WNK1: variants seen among roughly 807,000 people sequenced by gnomAD.
The protein encoded by WNK1 is WNK lysine deficient protein kinase 1.
A neutral mutation model predicts 222.8 loss-of-function variants in WNK1; 38 were observed. The observed-to-expected ratio is 0.17, with a 90% CI of 0.13 to 0.22. The LOEUF (loss-of-function observed/expected upper bound fraction) is 0.22, where lower values mean the gene tolerates loss of function less well. Ranked by LOEUF, WNK1 falls within the 10% of genes least tolerant of loss-of-function variation. The pLI is 1.00. For missense variants in WNK1, 2,348 were observed against 2,918.4 expected (o/e 0.80, Z 4.50); for synonymous variants, 1,090 against 1,092.9 (o/e 1.00, Z 0.05).
intron 4 of WNK1, among the ~76,000 whole-genome samples, chr12:847,113 G>A (rs899611821): frequency 1.3e-5 from 2 of 152,120 alleles, no homozygotes; most frequent in Admixed American, 1.3e-4. Flanking sequence ...AGCATTCCCA[G>A]TGTTTTAGGT....
chr12:905,347 C>T (rs778307396), intron 26 of WNK1, among the ~76,000 whole-genome samples: 14 of 152,248 alleles, frequency 9.2e-5, no homozygotes, highest in Admixed American at 4.6e-4. Context: ...GTATGGTTGA[C>T]TCTTCCTCAT....
intron 1 of WNK1, among the ~76,000 whole-genome samples, chr12:782,041 A>C (rs777281451): frequency 3.3e-5 from 5 of 152,198 alleles, no homozygotes; most frequent in Non-Finnish European, 7.3e-5. Flanking sequence ...ACAATTTTGT[A>C]TACTTGGCTG....
intron 26 of WNK1, among the ~76,000 whole-genome samples, chr12:904,873 C>G (rs1225755505): frequency 6.6e-6 from 1 of 152,206 alleles, no homozygotes; most frequent in East Asian, 1.9e-4. Context: ...CACGTTCACA[C>G]TGAAGTGGGA....
chr12:843,332 A>T (rs980255506), intron 4 of WNK1, among the ~76,000 whole-genome samples: 1 of 152,196 alleles, frequency 6.6e-6, no homozygotes, highest in South Asian at 2.1e-4. Context: ...CTTGTGTTCT[A>T]TCTACTTTAC....
intron 1 of WNK1, among the ~76,000 whole-genome samples, chr12:763,943 A>C (rs1230629822): frequency 1.4e-5 from 2 of 147,208 alleles, no homozygotes; most frequent in African/African-American, 4.9e-5. Flanking sequence ...AGGTATGGAG[A>C]TGTATTCAAT....
chr12:806,139 C>T (rs547833439), intron 1 of WNK1, among the ~76,000 whole-genome samples: 1 of 152,202 alleles, frequency 6.6e-6, no homozygotes, highest in Admixed American at 6.5e-5. Context: ...AGCACACTTA[C>T]AATATGTCGA....
intron 4 of WNK1, among the ~76,000 whole-genome samples, chr12:856,214 G>A (rs932005421): frequency 1.1e-4 from 16 of 151,844 alleles, no homozygotes; most frequent in African/African-American, 2.9e-4. Context: ...TTGGGAGGCC[G>A]AGGAGGGCGG....
chr12:900,791 C>A, intron 26 of WNK1, 121 bp downstream of exon 26: 3 of 1,194,642 alleles, frequency 2.5e-6, no homozygotes, highest in Non-Finnish European at 3.7e-6. Flanking sequence ...GTGTGTTGTA[C>A]ACTGAAGAAT....
At chr12:901,485 C>G in intron 26 of WNK1, 1 of 1,084,932 alleles carries the variant, frequency 9.2e-7, no homozygotes, top group African/African-American at 1.6e-5. Flanking sequence ...ACTCCAGCCT[C>G]AAGTTTCTAA....
chr12:768,229 G>A (rs571909047), intron 1 of WNK1, among the ~76,000 whole-genome samples: 17 of 152,134 alleles, frequency 1.1e-4, no homozygotes, highest in South Asian at 4.1e-4. Flanking sequence ...TCCATCTCCC[G>A]GGTTCAGGCA....
rs1039167656 is a variant in WNK1, at chr12:911,034, A to G, written c.*2242A>G. 1.2e-5 allele frequency: 4 copies of G among 335,828 alleles called. No individual in the cohort carries two copies. The highest frequency in any genetic ancestry group is 2.1e-5 in the African/African-American group (1 of 47,422). 20.8% of individuals were successfully genotyped at this position (335,828 alleles called of 1,614,324 possible). Reference sequence around the variant, plus strand: ...CTCATGCAGCACATTATCATTTGTTATTTGGGTTTAATAATAATTTTGACA... The same window carrying G: ...CTCATGCAGCACATTATCATTTGTTGTTTGGGTTTAATAATAATTTTGACA... On this transcript the variant is annotated 3_prime_UTR_variant, in exon 28 of 28. Transcript: ENST00000315939.
At chr12:762,173 C>CCTCA (rs1941112822) in intron 1 of WNK1, among the ~76,000 whole-genome samples, 1 of 145,482 alleles carries the variant, frequency 6.9e-6, no homozygotes, top group Admixed American at 6.8e-5. Context: ...GATTGTCATG[C>CCTCA]CTCAGCCTCC....
rs1440114683 is a variant in WNK1, at chr12:757,896, C to T, written c.759+3572C>T. Among the ~76,000 whole-genome samples, 5 of 145,530 alleles carry T rather than the reference C, an allele frequency of 3.4e-5. 1 individual carries two copies. Among genetic ancestry groups the T allele is most frequent in the African/African-American group, 4.9e-5 (2 of 40,766 alleles). ...ACTAAAAATACAAAAATTAGCTGGG[C>T]GTGGTCCGCACGCCTGTAATCCCAG... On this transcript the variant is annotated intron_variant, in intron 1 of 27. Transcript: ENST00000315939.
intron 1 of WNK1, among the ~76,000 whole-genome samples, chr12:786,454 G>A (rs994429342): frequency 2.8e-5 from 4 of 143,596 alleles, no homozygotes; most frequent in Admixed American, 1.4e-4. Flanking sequence ...TGTTTTATTT[G>A]TTCCTCTATC....
chr12:779,847 A>G (rs1485468044), intron 1 of WNK1, among the ~76,000 whole-genome samples: 3 of 152,164 alleles, frequency 2.0e-5, no homozygotes, highest in Non-Finnish European at 4.4e-5. Context: ...GGATGCGAAG[A>G]ACTCTGTACT....
intron 2 of WNK1, among the ~76,000 whole-genome samples, chr12:814,381 G>T (rs1220703172): frequency 6.6e-6 from 1 of 151,308 alleles, no homozygotes; most frequent in African/African-American, 2.4e-5. Flanking sequence ...TAGCCCTCTA[G>T]TGGTTAAAAT....
intron 27 of WNK1, 168 bp downstream of exon 27, chr12:908,202 A>T (rs1052340503): frequency 3.2e-6 from 3 of 943,776 alleles, no homozygotes; most frequent in Non-Finnish European, 4.9e-6. Context: ...TCCTTCCCTG[A>T]ATTCCTAACC....
intron 1 of WNK1, among the ~76,000 whole-genome samples, chr12:808,761 C>CT (rs11322620): frequency 0.055 from 6,512 of 119,312 alleles, 245 homozygotes; most frequent in Middle Eastern, 0.11. Flanking sequence ...GTATCTCTCT[C>CT]TTTTTTTTTT....
chr12:830,665 AGAGATATTTTC>A (rs1948722803), intron 4 of WNK1, among the ~76,000 whole-genome samples: 6 of 152,174 alleles, frequency 3.9e-5, no homozygotes, highest in Non-Finnish European at 8.8e-5. Context: ...GTCTGCTGAC[AGAGATATTTTC>A]TACAGCTGTC....
Sources: allele counts gnomAD v4.1 joint callset (sites outside exome capture counted in the v4.1 genomes callset), GRCh38; gene constraint gnomAD v4.1.1; transcripts MANE v1.5; gene names NCBI Gene and HGNC (gene_info 2026-07-23, HGNC 2026-07-21).